The following KIF16B variants were observed in gnomAD, a reference collection of about 807,000 sequenced individuals.
KIF16B encodes the protein kinesin-like protein KIF16B.
A neutral mutation model predicts 156.3 loss-of-function variants in KIF16B; 98 were observed. That is an observed-to-expected ratio of 0.63 (90% confidence interval 0.53 to 0.74). The LOEUF is 0.74. KIF16B is among the 30% of genes least tolerant of loss of function. The probability of loss-of-function intolerance (pLI) is 0.00; values close to 1 mark genes in which losing one functional copy is unlikely to be tolerated. For missense variants in KIF16B, 1,421 were observed against 1,606.5 expected (o/e 0.88, Z 1.97); for synonymous variants, 564 against 583.7 (o/e 0.97, Z 0.49).
In KIF16B at chr20:16,452,804, C is replaced by T. The variant is rs192203115; in HGVS notation, c.1303-22822G>A. ...GAGCCGAGATCGCGCCACTGCACTC[C>T]AGCCTGGGCAACAGAGTGAGACTCC... On this transcript the variant is annotated intron_variant, in intron 12 of 25. Transcript: ENST00000354981. 1.3e-3 allele frequency among the ~76,000 whole-genome samples: 194 copies of T among 148,912 alleles called. 1 individual carries two copies. The highest frequency in any genetic ancestry group is 4.6e-3 in the African/African-American group (186 of 40,266).
In KIF16B at chr20:16,504,456, A is replaced by C. The variant is rs551807135; in HGVS notation, c.1092T>G (p.Ile364Met). 1 of 1,614,150 alleles carries C rather than the reference A, an allele frequency of 6.2e-7. No individual in the cohort carries two copies. The highest frequency in any genetic ancestry group is 2.2e-5 in the East Asian group (1 of 44,882). Residue 364 changes from isoleucine to methionine, a missense_variant, in exon 10 of 26, where the codon ATT (isoleucine) becomes ATG (methionine). By Grantham distance (10) the Ile-to-Met change is conservative. Transcript: ENST00000354981. ...RAKNIINKPTINEDANVKLIR... is the reference protein window; with the variant it reads ...RAKNIINKPTMNEDANVKLIR... ...TAAGTTTGACGTTGGCATCCTCATT[A>C]ATGGTAGGCTTGTTGATGATGTTTT...
chr20:16,535,917 A>G (rs1279363371), intron 1 of KIF16B, among the ~76,000 whole-genome samples: 1 of 152,200 alleles, frequency 6.6e-6, no homozygotes, highest in Non-Finnish European at 1.5e-5. Flanking sequence ...AGTGCTATGG[A>G]AAACAGAATG....
chr20:16,573,177 T>G, intron 1 of KIF16B, 52 bp downstream of exon 1: 1 of 1,495,818 alleles, frequency 6.7e-7, no homozygotes, highest in Non-Finnish European at 9.1e-7. Context: ...GAAACAGGCT[T>G]CCTCTGGGTG....
chr20:16,441,410 A>C (rs2066796927), intron 12 of KIF16B, among the ~76,000 whole-genome samples: 1 of 152,164 alleles, frequency 6.6e-6, no homozygotes. Flanking sequence ...ACTCAGGACT[A>C]CTGTGGCCCC....
At chr20:16,374,455 C>T (rs756077011) in intron 19 of KIF16B, 46 bp from the exon 20 acceptor site, 24 of 1,449,510 alleles carry the variant, frequency 1.7e-5, no homozygotes, top group East Asian at 2.4e-5. Context: ...TAGTATTTCC[C>T]GAGCATCCTT....
At chr20:16,341,322 T>C (rs987127742) in intron 23 of KIF16B, among the ~76,000 whole-genome samples, 1 of 152,188 alleles carries the variant, frequency 6.6e-6, no homozygotes, top group African/African-American at 2.4e-5. Context: ...TCCAAGAACC[T>C]AACAATGATG....
chr20:16,409,635 A>C (rs1321288556), intron 15 of KIF16B, among the ~76,000 whole-genome samples: 1 of 151,978 alleles, frequency 6.6e-6, no homozygotes, highest in East Asian at 1.9e-4. Context: ...AGGGTTACCA[A>C]AGCAGAGAAG....
chr20:16,567,512 G>A (rs2071296763), intron 1 of KIF16B, among the ~76,000 whole-genome samples: 1 of 152,150 alleles, frequency 6.6e-6, no homozygotes, highest in Non-Finnish European at 1.5e-5. Flanking sequence ...TCATCTGTAA[G>A]CCCAGAGGCA....
At chr20:16,383,547 T>C (rs897220870) in intron 17 of KIF16B, among the ~76,000 whole-genome samples, 1 of 152,240 alleles carries the variant, frequency 6.6e-6, no homozygotes, top group African/African-American at 2.4e-5. Context: ...TTGCCAGTCA[T>C]GAAGGCCAGC....
chr20:16,515,134 C>T (rs2069103154), intron 4 of KIF16B, among the ~76,000 whole-genome samples: 1 of 151,712 alleles, frequency 6.6e-6, no homozygotes, highest in African/African-American at 2.4e-5. Context: ...TTATGTAGTA[C>T]CTTTCTATCA....
intron 23 of KIF16B, among the ~76,000 whole-genome samples, chr20:16,349,203 G>A (rs904542952): frequency 6.6e-6 from 1 of 152,238 alleles, no homozygotes; most frequent in African/African-American, 2.4e-5. Context: ...TGAGATGACA[G>A]AGAGGGGACA....
At position 16,306,413 on chromosome 20, in the gene KIF16B, C is replaced by T. The variant is rs565709847; in HGVS notation, c.3795+5922G>A. Among the ~76,000 whole-genome samples, 7 of 152,218 alleles carry T rather than the reference C, an allele frequency of 4.6e-5. No homozygotes were observed. In the South Asian group the frequency reaches 1.5e-3, roughly 32 times the overall value. ...TGTGTCAATCTGGAAGATAATGATCCTATGCCTCTAATCTTTATCGTTTTG... is the reference window on the plus strand; with the variant it reads ...TGTGTCAATCTGGAAGATAATGATCTTATGCCTCTAATCTTTATCGTTTTG... On this transcript the variant is annotated intron_variant, in intron 25 of 25. Coordinates refer to ENST00000354981, the MANE Select transcript of KIF16B (RefSeq NM_024704.5).
intron 25 of KIF16B, among the ~76,000 whole-genome samples, chr20:16,274,518 G>A (rs2063032218): frequency 6.6e-6 from 1 of 152,118 alleles, no homozygotes; most frequent in Non-Finnish European, 1.5e-5. Flanking sequence ...GGAGGGAAGG[G>A]GTTAGACCCA....
chr20:16,414,722 G>A (rs757256964), intron 15 of KIF16B, among the ~76,000 whole-genome samples: 5 of 152,124 alleles, frequency 3.3e-5, no homozygotes, highest in Non-Finnish European at 7.4e-5. Flanking sequence ...ATTTTTAGAT[G>A]TGTGTGTCGG....
rs908021372 is a variant in KIF16B at position 16,434,834 on chromosome 20, T to C, written c.1303-4852A>G. On this transcript the variant is annotated intron_variant, in intron 12 of 25. Coordinates refer to ENST00000354981, the MANE Select transcript of KIF16B (RefSeq NM_024704.5). ...CACTAGCGAGTAGAATTTTGTAGAG[T>C]TGACTCACATCATAAAGTGCACATA... Among the ~76,000 whole-genome samples the C allele has an allele frequency of 3.3e-5, 5 of 151,922 alleles. No homozygotes were observed. The East Asian group carries it at 5.8e-4, about 18-fold the overall frequency.
chr20:16,382,796 T>C (rs1249796316), intron 17 of KIF16B, among the ~76,000 whole-genome samples: 2 of 151,056 alleles, frequency 1.3e-5, no homozygotes, highest in Non-Finnish European at 3.0e-5. Context: ...AGCTTATACA[T>C]TTTTCTGTTG....
chr20:16,309,134 T>A (rs545275560), intron 25 of KIF16B, among the ~76,000 whole-genome samples: 2 of 152,370 alleles, frequency 1.3e-5, no homozygotes, highest in East Asian at 3.9e-4. Flanking sequence ...TCTATAGTTC[T>A]TTTTGAACAA....
chr20:16,357,179 CAT>C (rs962292517), intron 22 of KIF16B, among the ~76,000 whole-genome samples: 21 of 152,268 alleles, frequency 1.4e-4, no homozygotes, highest in South Asian at 2.1e-4. Context: ...CTTTAGAAAA[CAT>C]ATGTTTTTGA....
chr20:16,550,226 A>T (rs374292692), intron 1 of KIF16B, among the ~76,000 whole-genome samples: 2 of 146,084 alleles, frequency 1.4e-5, no homozygotes, highest in African/African-American at 5.1e-5. Context: ...ACATTTATGC[A>T]GCCAAAAAAC....
Sources: allele counts gnomAD v4.1 joint callset (sites outside exome capture counted in the v4.1 genomes callset), GRCh38; gene constraint gnomAD v4.1.1; transcripts MANE v1.5; gene names NCBI Gene and HGNC (gene_info 2026-07-23, HGNC 2026-07-21).